The following FAM228B variants were observed in gnomAD, a reference collection of about 807,000 sequenced individuals.
The protein encoded by FAM228B is protein FAM228B.
A neutral mutation model predicts 42.6 loss-of-function variants in FAM228B; 38 were observed. The observed-to-expected ratio is 0.89, with a 90% CI of 0.69 to 1.17. The LOEUF (loss-of-function observed/expected upper bound fraction) is 1.17, where lower values mean the gene tolerates loss of function less well. Ranked by LOEUF, FAM228B falls within the 50% of genes most tolerant of loss-of-function variation. The probability of loss-of-function intolerance (pLI) is 0.00; values close to 1 mark genes in which losing one functional copy is unlikely to be tolerated. For missense variants in FAM228B, 344 were observed against 367.3 expected, an observed-to-expected ratio of 0.94 and a Z score of 0.52; for synonymous variants, 109 against 122.3, an observed-to-expected ratio of 0.89 and a Z score of 0.72.
Position 24,135,183 on chromosome 2 carries a change from TTAAGG to T in FAM228B, c.168+1_168+5del, listed in dbSNP as rs1241128359. 6.7e-7 allele frequency: 1 copy of T among 1,483,470 alleles called. No homozygotes were observed. Among genetic ancestry groups the T allele is most frequent in the South Asian group, 1.3e-5 (1 of 75,646 alleles). The allele number at this position is 1,483,470 out of a possible 1,614,324, so 91.9% of individuals were successfully genotyped here. A position where few individuals can be genotyped will look rare whatever the true frequency, so the allele number is the denominator to read the frequency against. On this transcript the variant is annotated splice_donor_variant and coding_sequence_variant, in exon 3 of 11. Coordinates refer to ENST00000615575, the MANE Select transcript of FAM228B (RefSeq NM_001145710.2). LOFTEE classifies it high-confidence loss of function. Reference sequence around the variant, plus strand: ...ATATTATACAAAGAAAATTCTGTAATTAAGGTAAGAATTGGCTACAAAATGCATCT... The same window carrying T: ...ATATTATACAAAGAAAATTCTGTAATTAAGAATTGGCTACAAAATGCATCT...
chr2:24,090,103 A>G (rs1318690666), intron 2 of FAM228B, among the ~76,000 whole-genome samples: 2 of 150,660 alleles, frequency 1.3e-5, no homozygotes, highest in Non-Finnish European at 2.9e-5. Flanking sequence ...GTATTTCTCT[A>G]CTAAAAATAC....
At chr2:24,101,962 G>T (rs958064347) in intron 3 of FAM228B, among the ~76,000 whole-genome samples, 1 of 152,168 alleles carries the variant, frequency 6.6e-6, no homozygotes, top group African/African-American at 2.4e-5. Context: ...GATTACAGGC[G>T]TGAGCTACCG....
Position 24,077,858 on chromosome 2 carries a change from T to C in FAM228B, c.-290+889T>C, listed in dbSNP as rs953491835. ...TTCTTGCTCTCTCTGAAGCCACGTA[T>C]CTGAAAAAGCACACAGGGACACTTA... On this transcript the variant is annotated intron_variant, in intron 1 of 10. Coordinates refer to the FAM228B transcript ENST00000613899. This position sits in a 1 kb window ranked among gnomAD's most constrained non-coding sequence, Gnocchi z 5.5. 3.6e-6 allele frequency: 5 copies of C among 1,394,190 alleles called. No individual in the cohort carries two copies. Among genetic ancestry groups the C allele is most frequent in the Admixed American group, 2.2e-5 (1 of 45,102 alleles). 86.4% of individuals were successfully genotyped at this position (1,394,190 alleles called of 1,614,324 possible). A position where few individuals can be genotyped will look rare whatever the true frequency, so the allele number is the denominator to read the frequency against.
At chr2:24,129,796 ATTTT>A (rs1666409237) in intron 2 of FAM228B, among the ~76,000 whole-genome samples, 1 of 151,852 alleles carries the variant, frequency 6.6e-6, no homozygotes, top group Non-Finnish European at 1.5e-5. Context: ...TGTCAATATA[ATTTT>A]CTTTTTATTT....
At position 24,146,759 on chromosome 2, in the gene FAM228B, A is replaced by C; in HGVS notation, c.453A>C (p.Pro151=). ...KDPNFLKVTI[P]PFHDPLKKAQ... ...TGCCTCTCTTGTAGGTTACCATCCC[A>C]CCATTTCATGACCCTTTGAAAAAAG... Residue 151 remains proline, a synonymous_variant, in exon 6 of 11, where the codon CCA becomes CCC. Coordinates refer to ENST00000615575, the MANE Select transcript of FAM228B (RefSeq NM_001145710.2). 1 of 1,549,184 alleles carries C rather than the reference A, an allele frequency of 6.5e-7. No homozygotes were observed.
intron 7 of FAM228B, among the ~76,000 whole-genome samples, chr2:24,153,837 G>C (rs1420017011): frequency 6.6e-6 from 1 of 152,202 alleles, no homozygotes; most frequent in African/African-American, 2.4e-5. Context: ...GGGTACTTCA[G>C]CCCACAATGG....
At chr2:24,165,083 A>G (rs1434220828) in intron 9 of FAM228B, among the ~76,000 whole-genome samples, 1 of 152,226 alleles carries the variant, frequency 6.6e-6, no homozygotes. Context: ...CCAGTTAATT[A>G]AAACCTGGAG....
intron 3 of FAM228B, chr2:24,096,315 T>C (rs954047437): frequency 2.0e-5 from 3 of 152,166 alleles, no homozygotes; most frequent in Non-Finnish European, 4.4e-5. Context: ...CTTCAGAAGG[T>C]TGGTAAAAAC....
upstream of FAM228B, among the ~76,000 whole-genome samples, chr2:24,118,904 C>T (rs564246348): frequency 1.3e-5 from 2 of 152,164 alleles, no homozygotes; most frequent in East Asian, 3.9e-4. Context: ...TTATGCAACT[C>T]CAGTAAACTT....
At chr2:24,147,217 T>A in intron 7 of FAM228B, 131 bp downstream of exon 7, 1 of 587,140 alleles carries the variant, frequency 1.7e-6, no homozygotes, top group Non-Finnish European at 2.8e-6. Context: ...AGAGTCTCAC[T>A]CTGAAAATTT....
intron 2 of FAM228B, among the ~76,000 whole-genome samples, chr2:24,125,582 T>C (rs1666289807): frequency 1.3e-5 from 2 of 152,124 alleles, no homozygotes; most frequent in Non-Finnish European, 2.9e-5. Context: ...CTTTTTCTTT[T>C]CTTTCTTTCG....
chr2:24,155,339 G>A (rs1283938342), intron 7 of FAM228B, among the ~76,000 whole-genome samples: 3 of 151,220 alleles, frequency 2.0e-5, no homozygotes, highest in Non-Finnish European at 2.9e-5. Context: ...TAAAGAAAAT[G>A]TCCTTTTTAG....
intron 3 of FAM228B, among the ~76,000 whole-genome samples, chr2:24,115,019 G>A (rs1399236133): frequency 6.6e-6 from 1 of 152,232 alleles, no homozygotes; most frequent in East Asian, 1.9e-4. Flanking sequence ...GTGGTCCATT[G>A]TTGAATGGCC....
chr2:24,164,055 C>CCA (rs1667340552), intron 8 of FAM228B, 143 bp from the exon 9 acceptor site: 6 of 731,820 alleles, frequency 8.2e-6, no homozygotes, highest in Non-Finnish European at 1.2e-5. Context: ...TATTTTCACA[C>CCA]AAAAAAAGTA....
intron 3 of FAM228B, among the ~76,000 whole-genome samples, chr2:24,099,701 T>A (rs1665568528): frequency 6.6e-6 from 1 of 152,132 alleles, no homozygotes; most frequent in Non-Finnish European, 1.5e-5. Context: ...GCCCAAAGTA[T>A]TTATAGATTC....
At position 24,166,961 on chromosome 2, in the gene FAM228B, G is replaced by A. The variant is rs1026478134; in HGVS notation, c.933-666G>A. ...AAGATAGTGAGTGCTGAGAGAGGGC[G>A]GGAGGTGAGGCTGGAGCAGAGGCAG... is the stretch of plus-strand genomic sequence containing the variant. On this transcript the variant is annotated intron_variant, in intron 9 of 10. Coordinates refer to ENST00000615575, the MANE Select transcript of FAM228B (RefSeq NM_001145710.2). Among the ~76,000 whole-genome samples the A allele has an allele frequency of 2.0e-5, 3 of 152,160 alleles. No individual in the cohort carries two copies. The East Asian group carries it at 5.8e-4, about 29-fold the overall frequency.
intron 1 of FAM228B, 157 bp from the exon 2 acceptor site, chr2:24,124,173 G>C: frequency 2.1e-6 from 1 of 476,846 alleles, no homozygotes; most frequent in South Asian, 3.5e-5. Flanking sequence ...CTCTGAAGCC[G>C]TCATCTGGAG....
chr2:24,132,094 G>T (rs1330086904), intron 2 of FAM228B, among the ~76,000 whole-genome samples: 7 of 152,164 alleles, frequency 4.6e-5, no homozygotes, highest in Non-Finnish European at 1.0e-4. Context: ...TGATCATGTG[G>T]TTTTTGTCAT....
chr2:24,094,865 C>T (rs576723552), intron 2 of FAM228B, among the ~76,000 whole-genome samples: 32 of 152,144 alleles, frequency 2.1e-4, no homozygotes, highest in South Asian at 1.2e-3. Context: ...GGCCGAGGTG[C>T]GCAGATCACT....
Sources: gnomAD v4.1 joint callset for allele counts (sites outside exome capture counted in the v4.1 genomes callset) on GRCh38, gnomAD v4.1.1 for gene constraint, Gnocchi (gnomAD v3.1) non-coding constraint, MANE v1.5 for transcripts, NCBI Gene and HGNC (gene_info 2026-07-23, HGNC 2026-07-21) for gene names.